The following ZNF804A variants were observed in gnomAD, a reference collection of about 807,000 sequenced individuals.
The protein encoded by ZNF804A is zinc finger protein 804A.
In ZNF804A, 2 loss-of-function variants were observed where a neutral mutation model predicts 16.5. The ratio of observed to expected loss-of-function variants is 0.12; its 90% CI spans 0.05 to 0.38. The LOEUF (loss-of-function observed/expected upper bound fraction) is 0.38, where lower values mean the gene tolerates loss of function less well. ZNF804A is among the 10% of genes least tolerant of loss of function. The probability of loss-of-function intolerance (pLI) is 0.99; values close to 1 mark genes in which losing one functional copy is unlikely to be tolerated. For missense variants in ZNF804A, 1,473 were observed against 1,390.7 expected, an observed-to-expected ratio of 1.06 and a Z score of -0.94; for synonymous variants, 534 against 489.6, an observed-to-expected ratio of 1.09 and a Z score of -1.20.
At chr2:184,655,488 C>T (rs1392620503) in intron 1 of ZNF804A, among the ~76,000 whole-genome samples, 3 of 152,100 alleles carry the variant, frequency 2.0e-5, no homozygotes, top group Non-Finnish European at 2.9e-5. Flanking sequence ...ATTTGATCAA[C>T]GACCTAGGAA....
intron 1 of ZNF804A, among the ~76,000 whole-genome samples, chr2:184,758,288 C>T (rs541845022): frequency 6.6e-6 from 1 of 151,920 alleles, no homozygotes; most frequent in Admixed American, 6.6e-5. Flanking sequence ...TAAAAATGTT[C>T]TGATGATACA....
chr2:184,608,285 G>T (rs1574129256), intron 1 of ZNF804A, among the ~76,000 whole-genome samples: 1 of 152,106 alleles, frequency 6.6e-6, no homozygotes, highest in African/African-American at 2.4e-5. Context: ...TGTTCTTTCG[G>T]ATTTGGGATT....
chr2:184,747,535 TCTA>T (rs1388860045), intron 1 of ZNF804A, among the ~76,000 whole-genome samples: 1 of 151,138 alleles, frequency 6.6e-6, no homozygotes, highest in Non-Finnish European at 1.5e-5. Flanking sequence ...ATAATGTTCT[TCTA>T]CTTAATATAA....
At chr2:184,822,497 A>G (rs1487327363) in intron 1 of ZNF804A, among the ~76,000 whole-genome samples, 1 of 152,096 alleles carries the variant, frequency 6.6e-6, no homozygotes, top group Admixed American at 6.6e-5. Flanking sequence ...GCACACATTT[A>G]CCCATGTACC....
In ZNF804A at chr2:184,831,034, A is replaced by T. The variant is rs10181057; in HGVS notation, c.112-35335A>T. ...ACAAAGTATGTTTTAAAATCTCCAG[A>T]ATCTACTGACAGAAAACACTGGTAT... On this transcript the variant is annotated intron_variant, in intron 1 of 3. Coordinates refer to ENST00000302277, the MANE Select transcript of ZNF804A (RefSeq NM_194250.2). Among the ~76,000 whole-genome samples the T allele has an allele frequency of 8.7e-3, 1,330 of 152,228 alleles. 23 individuals are homozygous for T. The highest frequency in any genetic ancestry group is 0.031 in the African/African-American group (1,283 of 41,574).
intron 1 of ZNF804A, among the ~76,000 whole-genome samples, chr2:184,778,437 G>A (rs981534528): frequency 2.6e-5 from 4 of 151,444 alleles, no homozygotes; most frequent in Non-Finnish European, 5.9e-5. Flanking sequence ...CGACACATAT[G>A]TATAAAGTGG....
intron 1 of ZNF804A, among the ~76,000 whole-genome samples, chr2:184,803,765 A>G (rs957281018): frequency 2.6e-5 from 4 of 151,166 alleles, no homozygotes; most frequent in African/African-American, 9.8e-5. Flanking sequence ...TGATGGCCCC[A>G]GGTGTTGTTT....
chr2:184,883,114 C>T (rs567444426), intron 2 of ZNF804A, among the ~76,000 whole-genome samples: 13 of 152,056 alleles, frequency 8.5e-5, no homozygotes, highest in Admixed American at 1.3e-4. Context: ...ACTACTGACC[C>T]CACAGAAATA....
At chr2:184,643,166 T>C (rs1004597775) in intron 1 of ZNF804A, among the ~76,000 whole-genome samples, 8 of 152,092 alleles carry the variant, frequency 5.3e-5, no homozygotes, top group Non-Finnish European at 8.8e-5. Flanking sequence ...TTATTTTCCT[T>C]CATGCATTTA....
At chr2:184,736,793 G>T (rs1480120559) in intron 1 of ZNF804A, among the ~76,000 whole-genome samples, 1 of 150,776 alleles carries the variant, frequency 6.6e-6, no homozygotes, top group African/African-American at 2.4e-5. Context: ...TTCTAATTAG[G>T]TGATCTCATT....
At chr2:184,935,286 G>C (rs765839093) in intron 3 of ZNF804A, among the ~76,000 whole-genome samples, 2 of 151,918 alleles carry the variant, frequency 1.3e-5, no homozygotes, top group Non-Finnish European at 2.9e-5. Flanking sequence ...ATACCAATTG[G>C]GCTATAGTAG....
intron 2 of ZNF804A, among the ~76,000 whole-genome samples, chr2:184,927,961 G>A (rs576851931): frequency 1.3e-5 from 2 of 152,134 alleles, no homozygotes; most frequent in African/African-American, 4.8e-5. Flanking sequence ...AGATCATTTG[G>A]TGCTCTATCT....
chr2:184,800,702 T>C (rs562069626), intron 1 of ZNF804A, among the ~76,000 whole-genome samples: 3 of 152,056 alleles, frequency 2.0e-5, no homozygotes, highest in East Asian at 1.9e-4. Flanking sequence ...CCTCATCCAA[T>C]AATACCATAC....
At chr2:184,649,925 T>A (rs1209207898) in intron 1 of ZNF804A, among the ~76,000 whole-genome samples, 1 of 151,158 alleles carries the variant, frequency 6.6e-6, no homozygotes, top group Non-Finnish European at 1.5e-5. Context: ...TTACAAAAAA[T>A]TTGAGGAGGA....
At chr2:184,887,726 A>C (rs528890588) in intron 2 of ZNF804A, among the ~76,000 whole-genome samples, 1 of 152,196 alleles carries the variant, frequency 6.6e-6, no homozygotes, top group Non-Finnish European at 1.5e-5. Context: ...AGCACAGGAA[A>C]GACTGGCCCC....
In ZNF804A at chr2:184,730,030, T is replaced by C. The variant is rs560116301; in HGVS notation, c.111+130960T>C. Among the ~76,000 whole-genome samples, 108 of 152,222 alleles carry C rather than the reference T, an allele frequency of 7.1e-4. No individual in the cohort carries two copies. The South Asian group carries it at 0.022, about 31-fold the overall frequency. On this transcript the variant is annotated intron_variant, in intron 1 of 3. Transcript: ENST00000302277. Reference sequence around the variant, plus strand: ...GACCAATAAATGGTAACTACTACTATTAATATAACTACTAATATGGTTGCC... The same window carrying C: ...GACCAATAAATGGTAACTACTACTACTAATATAACTACTAATATGGTTGCC...
chr2:184,628,394 T>A (rs1252510763), intron 1 of ZNF804A, among the ~76,000 whole-genome samples: 2 of 152,102 alleles, frequency 1.3e-5, no homozygotes, highest in Non-Finnish European at 2.9e-5. Flanking sequence ...ATATTTATTG[T>A]TTAAAAGCAG....
At chr2:184,814,274 A>C (rs923642270) in intron 1 of ZNF804A, among the ~76,000 whole-genome samples, 41 of 151,950 alleles carry the variant, frequency 2.7e-4, no homozygotes, top group Non-Finnish European at 5.3e-4. Flanking sequence ...GAAAAGTACA[A>C]AACTAATATG....
intron 1 of ZNF804A, among the ~76,000 whole-genome samples, chr2:184,706,070 A>C (rs1225558311): frequency 1.3e-5 from 2 of 152,140 alleles, no homozygotes; most frequent in African/African-American, 4.8e-5. Context: ...ACACCCCCAT[A>C]CAGTGAGCTC....
Sources: gnomAD v4.1 joint callset for allele counts (sites outside exome capture counted in the v4.1 genomes callset) on GRCh38, gnomAD v4.1.1 for gene constraint, MANE v1.5 for transcripts, NCBI Gene and HGNC (gene_info 2026-07-23, HGNC 2026-07-21) for gene names.